GPR158: variants seen among roughly 807,000 people sequenced by gnomAD.
GPR158 encodes G protein-coupled receptor 158.
Under a neutral mutation model 78.2 loss-of-function variants are expected in GPR158, and 30 were observed. The ratio of observed to expected loss-of-function variants is 0.38; its 90% CI spans 0.29 to 0.52. GPR158 has a LOEUF of 0.52. Among genes scored for constraint, GPR158 ranks in the 20% least tolerant of loss-of-function variants. The pLI, the probability that GPR158 is intolerant of heterozygous loss-of-function variation, is 0.83. For synonymous variants in GPR158, 581 were observed against 591.1 expected (o/e 0.98, Z 0.25); for missense variants, 1,463 against 1,523.5 (o/e 0.96, Z 0.66).
At chr10:25,233,074 C>T (rs1037024773) in intron 2 of GPR158, among the ~76,000 whole-genome samples, 7 of 152,152 alleles carry the variant, frequency 4.6e-5, no homozygotes, top group African/African-American at 4.8e-5. Flanking sequence ...AAGGGGGAAT[C>T]GTTAGATGAT....
At chr10:25,191,535 C>T (rs1485392431) in intron 1 of GPR158, among the ~76,000 whole-genome samples, 5 of 152,096 alleles carry the variant, frequency 3.3e-5, no homozygotes, top group African/African-American at 9.7e-5. Flanking sequence ...CTTTGTAATT[C>T]GGAAGTAGTT....
intron 2 of GPR158, among the ~76,000 whole-genome samples, chr10:25,361,954 A>G (rs1855647502): frequency 6.6e-6 from 1 of 151,834 alleles, no homozygotes; most frequent in Non-Finnish European, 1.5e-5. Flanking sequence ...TGTGTCCTTC[A>G]GTGCACAAAA....
At position 25,367,455 on chromosome 10, in the gene GPR158, T is replaced by G. The variant is rs117888056; in HGVS notation, c.1009-28456T>G. ...GTTTTCCTTTGTTCTTTTTCAAGAT[T>G]TCGTTTTGGCTCTTCTTGGCCATTT... is the stretch of plus-strand genomic sequence containing the variant. On this transcript the variant is annotated intron_variant, in intron 2 of 10. Coordinates refer to ENST00000376351, the MANE Select transcript of GPR158 (RefSeq NM_020752.3). 7.4e-3 allele frequency among the ~76,000 whole-genome samples: 1,128 copies of G among 151,944 alleles called. 6 individuals carry two copies. Among genetic ancestry groups the G allele is most frequent in the Non-Finnish European group, 0.012 (792 of 67,858 alleles).
intron 5 of GPR158, among the ~76,000 whole-genome samples, chr10:25,520,830 C>G (rs940064809): frequency 6.6e-6 from 1 of 152,186 alleles, no homozygotes; most frequent in Admixed American, 6.5e-5. Flanking sequence ...TTGTCTGTGC[C>G]CTGCCCCCAG....
At chr10:25,519,348 T>C (rs1349505134) in intron 5 of GPR158, among the ~76,000 whole-genome samples, 3 of 142,268 alleles carry the variant, frequency 2.1e-5, no homozygotes, top group African/African-American at 8.6e-5. Flanking sequence ...CTGTGTCTTT[T>C]AATTGGAGAA....
At chr10:25,428,581 C>A (rs191548208) in intron 4 of GPR158, among the ~76,000 whole-genome samples, 1 of 151,858 alleles carries the variant, frequency 6.6e-6, no homozygotes, top group African/African-American at 2.4e-5. Context: ...ATGGAATCCA[C>A]AAATAGGAAT....
chr10:25,490,523 A>G (rs968073600), intron 5 of GPR158, among the ~76,000 whole-genome samples: 3 of 133,796 alleles, frequency 2.2e-5, no homozygotes, highest in Non-Finnish European at 4.7e-5. Context: ...ATTCCCACCT[A>G]TGAGTGAGAA....
intron 2 of GPR158, among the ~76,000 whole-genome samples, chr10:25,291,999 T>C (rs1279360833): frequency 6.6e-6 from 1 of 152,070 alleles, no homozygotes; most frequent in Non-Finnish European, 1.5e-5. Flanking sequence ...ACTCAAAAAA[T>C]GTAGATTTTT....
At chr10:25,543,491 T>C (rs1192095064) in intron 5 of GPR158, among the ~76,000 whole-genome samples, 25 of 152,192 alleles carry the variant, frequency 1.6e-4, no homozygotes, top group Admixed American at 1.6e-3. Flanking sequence ...ATTTTTTGTA[T>C]AAATTTAAGG....
chr10:25,220,037 A>T (rs1335097259), intron 1 of GPR158, among the ~76,000 whole-genome samples: 3 of 152,168 alleles, frequency 2.0e-5, no homozygotes, highest in African/African-American at 7.2e-5. Context: ...TTTATATTTT[A>T]TGTATATGAG....
chr10:25,494,053 C>T (rs1835846105), intron 5 of GPR158, among the ~76,000 whole-genome samples: 1 of 152,044 alleles, frequency 6.6e-6, no homozygotes, highest in Admixed American at 6.6e-5. Flanking sequence ...CAATTTCATC[C>T]ATAATAAAGT....
chr10:25,504,221 T>A (rs1171317799), intron 5 of GPR158, among the ~76,000 whole-genome samples: 1 of 152,194 alleles, frequency 6.6e-6, no homozygotes, highest in Non-Finnish European at 1.5e-5. Flanking sequence ...TTTACTGATT[T>A]ATTCTCCTTT....
At chr10:25,587,027 G>A (rs1227075555) in intron 7 of GPR158, among the ~76,000 whole-genome samples, 2 of 152,156 alleles carry the variant, frequency 1.3e-5, no homozygotes, top group Admixed American at 6.5e-5. Context: ...TAAAATTAGA[G>A]GTTTATATAG....
At chr10:25,577,633 G>A (rs781116665) in intron 7 of GPR158, among the ~76,000 whole-genome samples, 4 of 152,136 alleles carry the variant, frequency 2.6e-5, no homozygotes, top group Non-Finnish European at 5.9e-5. Context: ...ATTGCACAGG[G>A]CTGCTCCAAA....
intron 5 of GPR158, among the ~76,000 whole-genome samples, chr10:25,539,518 T>C (rs75760099): frequency 0.034 from 4,264 of 125,276 alleles, 107 homozygotes; most frequent in African/African-American, 0.07. Flanking sequence ...GTAACCCCTT[T>C]TAATTTTTTT....
At chr10:25,505,738 CAA>C (rs548579870) in intron 5 of GPR158, among the ~76,000 whole-genome samples, 130 of 152,304 alleles carry the variant, frequency 8.5e-4, no homozygotes, top group African/African-American at 3.1e-3. Context: ...TGCTTCTTCA[CAA>C]TCACAAAACT....
intron 3 of GPR158, among the ~76,000 whole-genome samples, chr10:25,406,166 G>T (rs900957471): frequency 6.6e-6 from 1 of 152,112 alleles, no homozygotes; most frequent in Non-Finnish European, 1.5e-5. Context: ...TCTGCCTCAG[G>T]GCTGTCTCTG....
intron 4 of GPR158, among the ~76,000 whole-genome samples, chr10:25,464,938 T>C (rs2130615775): frequency 6.6e-6 from 1 of 152,320 alleles, no homozygotes; most frequent in East Asian, 1.9e-4. Context: ...CTATCTAACA[T>C]AATGACCAAT....
chr10:25,373,146 G>C (rs1834024524), intron 2 of GPR158, among the ~76,000 whole-genome samples: 1 of 151,948 alleles, frequency 6.6e-6, no homozygotes, highest in South Asian at 2.1e-4. Flanking sequence ...GTCCTCTGTA[G>C]CAGCATGGAT....
Sources: allele counts gnomAD v4.1 joint callset (sites outside exome capture counted in the v4.1 genomes callset), GRCh38; gene constraint gnomAD v4.1.1; transcripts MANE v1.5; gene names NCBI Gene and HGNC (gene_info 2026-07-23, HGNC 2026-07-21).